Variants in ALDH1A2 observed in about 807,000 individuals in gnomAD.
ALDH1A2 encodes retinal dehydrogenase 2.
ALDH1A2 carries 27 observed loss-of-function variants against 60.3 expected under a neutral mutation model. The ratio of observed to expected loss-of-function variants is 0.45; its 90% CI spans 0.33 to 0.62. ALDH1A2 has a LOEUF of 0.62. Among genes scored for constraint, ALDH1A2 ranks in the 20% least tolerant of loss-of-function variants. The pLI is 0.02. For missense variants in ALDH1A2, 581 were observed against 643.8 expected (o/e 0.90, Z 1.06); for synonymous variants, 289 against 232.4 (o/e 1.24, Z -2.21).
At chr15:57,978,057 T>C (rs1014759987) in intron 7 of ALDH1A2, among the ~76,000 whole-genome samples, 2 of 152,240 alleles carry the variant, frequency 1.3e-5, no homozygotes, top group African/African-American at 2.4e-5. Context: ...CCTGAGACTT[T>C]ACTCAAGTTG....
chr15:57,992,100 ATTCCAAT>A (rs1298615356), intron 7 of ALDH1A2, among the ~76,000 whole-genome samples: 1 of 152,218 alleles, frequency 6.6e-6, no homozygotes, highest in Non-Finnish European at 1.5e-5. Context: ...TTATGTAAAA[ATTCCAAT>A]TTCCATGTCT....
At chr15:58,017,374 T>C (rs1180772572) in intron 1 of ALDH1A2, among the ~76,000 whole-genome samples, 2 of 152,222 alleles carry the variant, frequency 1.3e-5, no homozygotes, top group East Asian at 1.9e-4. Context: ...AGACATTATG[T>C]AGAAATTTTA....
chr15:58,025,092 T>C (rs1366768264), intron 1 of ALDH1A2, among the ~76,000 whole-genome samples: 1 of 152,038 alleles, frequency 6.6e-6, no homozygotes, highest in Non-Finnish European at 1.5e-5. Context: ...AGAAAGATTA[T>C]AAATTAATAA....
chr15:57,985,162 A>G (rs1450045380), intron 7 of ALDH1A2, among the ~76,000 whole-genome samples: 3 of 152,130 alleles, frequency 2.0e-5, no homozygotes, highest in Admixed American at 6.5e-5. Context: ...CTTGATGTGC[A>G]TATTATTTCC....
chr15:58,064,214 G>T (rs1416018252), intron 1 of ALDH1A2, among the ~76,000 whole-genome samples: 4 of 152,040 alleles, frequency 2.6e-5, no homozygotes, highest in South Asian at 4.2e-4. Context: ...ACCCAGACAA[G>T]TGCCACACAT....
At chr15:58,032,813 CACGTGCGTACCCA>C (rs1238689413) in intron 1 of ALDH1A2, among the ~76,000 whole-genome samples, 1 of 151,692 alleles carries the variant, frequency 6.6e-6, no homozygotes, top group African/African-American at 2.4e-5. Context: ...CACACACACA[CACGTGCGTACCCA>C]ACGGAATATT....
intron 1 of ALDH1A2, among the ~76,000 whole-genome samples, chr15:58,035,601 T>G (rs1267230074): frequency 1.3e-5 from 2 of 151,716 alleles, no homozygotes; most frequent in African/African-American, 4.8e-5. Context: ...TCCCACAAAT[T>G]TTTTAAGTTG....
chr15:57,960,317 G>A (rs1430770278), intron 12 of ALDH1A2, among the ~76,000 whole-genome samples: 1 of 152,192 alleles, frequency 6.6e-6, no homozygotes, highest in Non-Finnish European at 1.5e-5. Flanking sequence ...ATGGCTGAGG[G>A]AACGGGCATG....
chr15:58,056,235 T>C (rs775544086), intron 1 of ALDH1A2, among the ~76,000 whole-genome samples: 5 of 152,112 alleles, frequency 3.3e-5, no homozygotes, highest in African/African-American at 4.8e-5. Flanking sequence ...TTAGGGAAAC[T>C]AGTGTGTATT....
Position 57,990,800 on chromosome 15 carries a change from T to TG in ALDH1A2, c.798+1904dup, listed in dbSNP as rs1379600634. The stretch of plus-strand genomic sequence containing the variant: ...CTGAGGCAGGAGAATCGCTTGAACC[T>TG]GGGGGGCGGAGGTTGCTGTGAGACA... On this transcript the variant is annotated intron_variant, in intron 7 of 12. Transcript: ENST00000249750. Among the ~76,000 whole-genome samples, 4 of 136,804 alleles carry TG rather than the reference T, an allele frequency of 2.9e-5. No individual in the cohort carries two copies. In the East Asian group the frequency reaches 6.6e-4, roughly 23 times the overall value. The allele number at this position is 136,804 out of a possible 152,430, so 89.7% of individuals were successfully genotyped here. A position where few individuals can be genotyped will look rare whatever the true frequency, so the allele number is the denominator to read the frequency against.
intron 6 of ALDH1A2, 63 bp downstream of exon 6, chr15:57,992,882 A>T (rs1894941509): frequency 6.2e-7 from 1 of 1,613,750 alleles, no homozygotes; most frequent in Admixed American, 1.7e-5. Context: ...TAAATGAGAT[A>T]TGCTCTAGTA....
At chr15:57,960,674 G>A in intron 12 of ALDH1A2, 96 bp downstream of exon 12, 1 of 1,029,270 alleles carries the variant, frequency 9.7e-7, no homozygotes, top group Non-Finnish European at 1.5e-6. Flanking sequence ...TGAATGTATG[G>A]ATGAGTGTAA....
At chr15:58,007,635 A>G (rs768652514) in intron 4 of ALDH1A2, among the ~76,000 whole-genome samples, 1 of 152,086 alleles carries the variant, frequency 6.6e-6, no homozygotes, top group Non-Finnish European at 1.5e-5. Context: ...ATTGTACATA[A>G]AAGAATATTT....
At chr15:57,966,894 C>T (rs1419055042) in intron 7 of ALDH1A2, among the ~76,000 whole-genome samples, 3 of 152,278 alleles carry the variant, frequency 2.0e-5, no homozygotes, top group East Asian at 3.9e-4. Context: ...CAACAGGATG[C>T]GACTCCACTG....
chr15:58,032,448 A>G lies in ALDH1A2; in HGVS notation c.118-18167T>C, dbSNP rs568238902. Among the ~76,000 whole-genome samples the G allele has an allele frequency of 2.6e-5, 4 of 152,290 alleles. No homozygotes were observed. The East Asian group carries it at 5.8e-4, about 22-fold the overall frequency. Reference sequence around the variant, plus strand: ...TGCAGCACACCAACATGGCACATGTATACATATGTAACAAACCTGCACGTT... The same window carrying G: ...TGCAGCACACCAACATGGCACATGTGTACATATGTAACAAACCTGCACGTT... On this transcript the variant is annotated intron_variant, in intron 1 of 12. Coordinates refer to ENST00000249750, the MANE Select transcript of ALDH1A2 (RefSeq NM_003888.4).
chr15:57,967,269 G>C (rs1893928983), intron 7 of ALDH1A2, among the ~76,000 whole-genome samples: 1 of 152,012 alleles, frequency 6.6e-6, no homozygotes, highest in Non-Finnish European at 1.5e-5. Flanking sequence ...TCTGTAGGGG[G>C]GGATAAAAAT....
chr15:57,998,982 A>C (rs928773585), intron 4 of ALDH1A2, among the ~76,000 whole-genome samples: 2 of 152,174 alleles, frequency 1.3e-5, no homozygotes, highest in Middle Eastern at 3.2e-3. Context: ...TGGTGCTGGG[A>C]AAACTAGCTA....
chr15:57,958,487 G>A (rs1266555074), intron 12 of ALDH1A2, among the ~76,000 whole-genome samples: 4 of 152,192 alleles, frequency 2.6e-5, no homozygotes, highest in Non-Finnish European at 5.9e-5. Flanking sequence ...TGGGAATTAA[G>A]AGGGCAGCCC....
intron 3 of ALDH1A2, among the ~76,000 whole-genome samples, chr15:58,011,329 T>A (rs888348901): frequency 6.6e-6 from 1 of 152,206 alleles, no homozygotes; most frequent in African/African-American, 2.4e-5. Flanking sequence ...AAAGGCTGGT[T>A]TTTTGTAAAC....
Sources: gnomAD v4.1 joint callset for allele counts (sites outside exome capture counted in the v4.1 genomes callset) on GRCh38, gnomAD v4.1.1 for gene constraint, MANE v1.5 for transcripts, NCBI Gene and HGNC (gene_info 2026-07-23, HGNC 2026-07-21) for gene names.